The following CAMKMT variants were observed in gnomAD, a reference collection of about 807,000 sequenced individuals.
The protein encoded by CAMKMT is calmodulin-lysine N-methyltransferase.
In CAMKMT, 53 loss-of-function variants were observed where a neutral mutation model predicts 48.0. The ratio of observed to expected loss-of-function variants is 1.10; its 90% CI spans 0.89 to 1.39. The LOEUF (loss-of-function observed/expected upper bound fraction) is 1.39. Among genes scored for constraint, CAMKMT ranks in the 40% most tolerant of loss-of-function variants. The pLI, the probability that CAMKMT is intolerant of heterozygous loss-of-function variation, is 0.00. For missense variants in CAMKMT, 428 were observed against 402.7 expected (o/e 1.06, Z -0.54); for synonymous variants, 165 against 152.3 (o/e 1.08, Z -0.61).
chr2:44,477,027 A>T (rs1238302681), intron 3 of CAMKMT, among the ~76,000 whole-genome samples: 2 of 152,218 alleles, frequency 1.3e-5, no homozygotes, highest in Admixed American at 1.3e-4. Context: ...AGACATCATT[A>T]CTATGAGGAT....
chr2:44,363,428 C>G (rs786614), intron 1 of CAMKMT, among the ~76,000 whole-genome samples: 108,539 of 151,384 alleles, frequency 0.72, 39,555 homozygotes, highest in South Asian at 0.79. Flanking sequence ...CCAGGCTGGA[C>G]TGCAATGGCT....
rs893623978 is a variant in CAMKMT, at chr2:44,648,506, A to G, written c.377-55777A>G. Among the ~76,000 whole-genome samples, 5 of 152,242 alleles carry G rather than the reference A, an allele frequency of 3.3e-5. No homozygotes were observed. In the East Asian group the frequency reaches 9.6e-4, roughly 29 times the overall value. ...TTGAAGGGCCGTCATTGGAAGAAAG[A>G]TTACATTTGTTCTGAAAGATATTGA... On this transcript the variant is annotated intron_variant, in intron 3 of 10. Coordinates refer to ENST00000378494, the MANE Select transcript of CAMKMT (RefSeq NM_024766.5).
intron 3 of CAMKMT, among the ~76,000 whole-genome samples, chr2:44,396,950 T>C (rs961900190): frequency 2.0e-5 from 3 of 150,970 alleles, no homozygotes; most frequent in Admixed American, 1.3e-4. Context: ...TCTCAGCTAC[T>C]CAGGAGGCTG....
intron 3 of CAMKMT, among the ~76,000 whole-genome samples, chr2:44,521,126 TTGAAAG>T (rs1361709735): frequency 7.2e-5 from 11 of 152,194 alleles, no homozygotes; most frequent in Admixed American, 7.2e-4. Flanking sequence ...GATACTGAAG[TTGAAAG>T]TGACATAATG....
At chr2:44,418,128 G>C (rs887832676) in intron 3 of CAMKMT, among the ~76,000 whole-genome samples, 1 of 149,572 alleles carries the variant, frequency 6.7e-6, no homozygotes, top group Non-Finnish European at 1.5e-5. Context: ...GGAGGCAGAG[G>C]TTGCAGTGAG....
chr2:44,496,836 A>C (rs528040134), intron 3 of CAMKMT, among the ~76,000 whole-genome samples: 17 of 152,322 alleles, frequency 1.1e-4, no homozygotes, highest in African/African-American at 4.1e-4. Flanking sequence ...ATATGTAGGC[A>C]TCTGGGGACT....
chr2:44,684,456 G>T (rs1048299586), intron 3 of CAMKMT, among the ~76,000 whole-genome samples: 1 of 151,920 alleles, frequency 6.6e-6, no homozygotes, highest in Non-Finnish European at 1.5e-5. Flanking sequence ...TATGGCTTAA[G>T]GTTACGAATT....
intron 3 of CAMKMT, among the ~76,000 whole-genome samples, chr2:44,659,075 GTTTT>G (rs1192483405): frequency 1.2e-4 from 10 of 86,348 alleles, no homozygotes; most frequent in African/African-American, 4.7e-4. Flanking sequence ...TGTGTGTGTA[GTTTT>G]TTTTTTTTTT....
At chr2:44,673,315 T>C (rs1422742226) in intron 3 of CAMKMT, among the ~76,000 whole-genome samples, 2 of 151,196 alleles carry the variant, frequency 1.3e-5, no homozygotes, top group African/African-American at 4.9e-5. Context: ...TGGGTCCAGC[T>C]ACTTGGGAGG....
intron 3 of CAMKMT, among the ~76,000 whole-genome samples, chr2:44,633,595 A>G (rs1052906356): frequency 1.3e-5 from 2 of 151,956 alleles, no homozygotes; most frequent in African/African-American, 4.8e-5. Context: ...TTACTCTAAG[A>G]GTTCATTTGT....
At chr2:44,402,923 GT>G (rs67305689) in intron 3 of CAMKMT, among the ~76,000 whole-genome samples, 31,901 of 134,258 alleles carry the variant, frequency 0.24, 4,438 homozygotes, top group East Asian at 0.67. Context: ...ATTACTGAAA[GT>G]TTTTTTTTTT....
rs1272829362 is a variant in CAMKMT, at chr2:44,754,039, C to A, written c.699-16C>A. The A allele has an allele frequency of 6.2e-7, 1 of 1,610,510 alleles. No homozygotes were observed. The highest frequency in any genetic ancestry group is 1.1e-5 in the South Asian group (1 of 90,828). On this transcript the variant is annotated splice_polypyrimidine_tract_variant and intron_variant, in intron 8 of 10. Transcript: ENST00000378494. ...AACCCAGTTTAATCTGGATTCTGCT[C>A]TCTTCTCAATGTCAGCCTGTTTCTG...
At chr2:44,621,591 T>G (rs1217012177) in intron 3 of CAMKMT, among the ~76,000 whole-genome samples, 7 of 152,186 alleles carry the variant, frequency 4.6e-5, no homozygotes, top group Non-Finnish European at 8.8e-5. Context: ...GTGTTTAGTA[T>G]GTTTGAGGAA....
intron 7 of CAMKMT, among the ~76,000 whole-genome samples, chr2:44,721,980 T>G (rs1678486873): frequency 6.6e-6 from 1 of 152,184 alleles, no homozygotes; most frequent in Admixed American, 6.5e-5. Flanking sequence ...TCTGGACATT[T>G]CACATAAATG....
At chr2:44,554,422 C>G (rs770307022) in intron 3 of CAMKMT, among the ~76,000 whole-genome samples, 1 of 152,090 alleles carries the variant, frequency 6.6e-6, no homozygotes, top group African/African-American at 2.4e-5. Flanking sequence ...TCATACAGCC[C>G]TTAGAACAGT....
At chr2:44,596,327 T>C (rs1382946664) in intron 3 of CAMKMT, among the ~76,000 whole-genome samples, 1 of 151,926 alleles carries the variant, frequency 6.6e-6, no homozygotes, top group East Asian at 1.9e-4. Flanking sequence ...TATGTGCCTG[T>C]AGTCCCAGCT....
chr2:44,523,348 A>G (rs1200695150), intron 3 of CAMKMT, among the ~76,000 whole-genome samples: 1 of 147,820 alleles, frequency 6.8e-6, no homozygotes, highest in Admixed American at 6.8e-5. Flanking sequence ...GGTATAGTGC[A>G]ATGGTGCAAT....
chr2:44,757,339 A>T (rs777811165), intron 9 of CAMKMT, among the ~76,000 whole-genome samples: 27 of 152,158 alleles, frequency 1.8e-4, no homozygotes, highest in South Asian at 6.2e-4. Context: ...ATCAGCTCTG[A>T]AATCCTGCAT....
chr2:44,618,444 G>C lies in CAMKMT; in HGVS notation c.377-85839G>C, dbSNP rs1180110609. 1.3e-5 allele frequency among the ~76,000 whole-genome samples: 2 copies of C among 152,218 alleles called. No homozygotes were observed. Among genetic ancestry groups the C allele is most frequent in the Non-Finnish European group, 2.9e-5 (2 of 68,044 alleles). ...AATTAGATTTTCAACCAGTAGACAA[G>C]AAGGGTGGCACTTGGGGACCTTTTT... On this transcript the variant is annotated intron_variant, in intron 3 of 10. Coordinates refer to ENST00000378494, the MANE Select transcript of CAMKMT (RefSeq NM_024766.5). This position sits in a 1 kb window ranked among gnomAD's most constrained non-coding sequence, Gnocchi z 4.0.
Sources: allele counts gnomAD v4.1 joint callset (sites outside exome capture counted in the v4.1 genomes callset), GRCh38; gene constraint gnomAD v4.1.1; non-coding constraint Gnocchi (gnomAD v3.1); transcripts MANE v1.5; gene names NCBI Gene and HGNC (gene_info 2026-07-23, HGNC 2026-07-21).